The following ASAP2 variants were observed in gnomAD, a reference collection of about 807,000 sequenced individuals.
ASAP2 encodes the protein arf-GAP with SH3 domain, ANK repeat and PH domain-containing protein 2.
Under a neutral mutation model 131.4 loss-of-function variants are expected in ASAP2, and 45 were observed. That is an observed-to-expected ratio of 0.34 (90% confidence interval 0.27 to 0.44). ASAP2 has a LOEUF of 0.44. Ranked by LOEUF, ASAP2 falls within the 20% of genes least tolerant of loss-of-function variation. The pLI, the probability that ASAP2 is intolerant of heterozygous loss-of-function variation, is 1.00. For synonymous variants in ASAP2, 510 were observed against 503.0 expected (o/e 1.01, Z -0.19); for missense variants, 1,011 against 1,297.0 (o/e 0.78, Z 3.39).
chr2:9,241,452 A>C (rs1663961202), intron 1 of ASAP2, among the ~76,000 whole-genome samples: 1 of 152,204 alleles, frequency 6.6e-6, no homozygotes, highest in Non-Finnish European at 1.5e-5. Context: ...CATGAAAATC[A>C]AACTGGCTGG....
intron 1 of ASAP2, among the ~76,000 whole-genome samples, chr2:9,233,199 T>A (rs1168762579): frequency 1.3e-5 from 2 of 152,210 alleles, no homozygotes; most frequent in Non-Finnish European, 2.9e-5. Context: ...TAGTGATCGA[T>A]GTCTGTGTGA....
In ASAP2 at chr2:9,286,357, C is replaced by T. The variant is rs181797455; in HGVS notation, c.199+6968C>T. 6.0e-3 allele frequency among the ~76,000 whole-genome samples: 918 copies of T among 151,770 alleles called. 39 individuals are homozygous for T. The highest frequency in any genetic ancestry group is 1.1e-3 in the Non-Finnish European group (73 of 67,994). ...AGGCTGCAGTGAGCTGAAACTGCAC[C>T]ACTGCACTTCATCCTGGGTGACAGA... On this transcript the variant is annotated intron_variant, in intron 2 of 27. Transcript: ENST00000281419.
At position 9,374,788 on chromosome 2, in the gene ASAP2, C is replaced by T. The variant is rs33930824; in HGVS notation, c.1590C>T (p.Tyr530=). The T allele has an allele frequency of 0.23, 375,684 of 1,609,532 alleles. 47,479 individuals carry two copies. Among genetic ancestry groups the T allele is most frequent in the Middle Eastern group, 0.27 (1,639 of 5,994 alleles). ...NARKDYITAK[Y]IERRYARKKH... Reference sequence around the variant, plus strand: ...GAAAGGACTACATCACAGCCAAGTACATCGAGAGGAGATACGCAAGGAAGA... The same window carrying T: ...GAAAGGACTACATCACAGCCAAGTATATCGAGAGGAGATACGCAAGGAAGA... The change falls in exon 17 of 28, where the codon TAC becomes TAT. Residue 530 remains tyrosine, a synonymous_variant. Transcript: ENST00000281419.
chr2:9,210,701 C>A (rs1431862925), intron 1 of ASAP2, among the ~76,000 whole-genome samples: 1 of 151,814 alleles, frequency 6.6e-6, no homozygotes, highest in East Asian at 1.9e-4. Context: ...ACTACAGGTG[C>A]CCGCCACCAT....
chr2:9,253,895 A>G lies in ASAP2; in HGVS notation c.127-25422A>G, dbSNP rs137926225. 3.6e-3 allele frequency among the ~76,000 whole-genome samples: 541 copies of G among 152,128 alleles called. 1 individual carries two copies. The highest frequency in any genetic ancestry group is 6.9e-3 in the Admixed American group (106 of 15,256). On this transcript the variant is annotated intron_variant, in intron 1 of 27. Coordinates refer to ENST00000281419, the MANE Select transcript of ASAP2 (RefSeq NM_003887.3). Reference sequence around the variant, plus strand: ...CGAGATATTTTGAGAAAGAGACCACATTCACATAACTTTTATTACAGTATA... The same window carrying G: ...CGAGATATTTTGAGAAAGAGACCACGTTCACATAACTTTTATTACAGTATA...
chr2:9,245,843 C>G (rs1304285255), intron 1 of ASAP2, among the ~76,000 whole-genome samples: 1 of 152,184 alleles, frequency 6.6e-6, no homozygotes, highest in Non-Finnish European at 1.5e-5. Context: ...ACCAGATCCC[C>G]AGTGCCCAGA....
At chr2:9,356,748 T>C (rs1672732533) in intron 14 of ASAP2, among the ~76,000 whole-genome samples, 1 of 152,194 alleles carries the variant, frequency 6.6e-6, no homozygotes, top group Non-Finnish European at 1.5e-5. Flanking sequence ...TGAAGTAGCT[T>C]TAAGCCGCTG....
intron 15 of ASAP2, 144 bp downstream of exon 15, chr2:9,359,033 A>C: frequency 9.3e-7 from 1 of 1,077,486 alleles, no homozygotes; most frequent in South Asian, 1.8e-5. Flanking sequence ...CTCATTGATA[A>C]TTCTTCATTT....
At chr2:9,387,856 C>G (rs1675402133) in intron 21 of ASAP2, among the ~76,000 whole-genome samples, 1 of 152,152 alleles carries the variant, frequency 6.6e-6, no homozygotes. Context: ...AACATACAAT[C>G]ATGGCAGAAG....
At chr2:9,322,108 C>T (rs1179061951) in intron 5 of ASAP2, among the ~76,000 whole-genome samples, 1 of 152,204 alleles carries the variant, frequency 6.6e-6, no homozygotes, top group Non-Finnish European at 1.5e-5. Context: ...CCTCCAGTCA[C>T]ACTCCTTTCC....
At chr2:9,211,172 G>A (rs1047602915) in intron 1 of ASAP2, among the ~76,000 whole-genome samples, 2 of 146,768 alleles carry the variant, frequency 1.4e-5, no homozygotes, top group East Asian at 2.0e-4. Flanking sequence ...AAAAAAAAAA[G>A]TTTGTTGTCC....
intron 19 of ASAP2, among the ~76,000 whole-genome samples, chr2:9,379,863 G>A (rs188285760): frequency 2.0e-4 from 31 of 152,030 alleles, no homozygotes; most frequent in South Asian, 1.0e-3. Context: ...ATGGTGGCGC[G>A]CACCTGTAGG....
At chr2:9,337,820 C>T (rs1671316607) in intron 9 of ASAP2, among the ~76,000 whole-genome samples, 1 of 152,182 alleles carries the variant, frequency 6.6e-6, no homozygotes, top group Admixed American at 6.5e-5. Flanking sequence ...ATTTTCTGCT[C>T]TCTGTAAGGA....
rs1436632204 is a variant in ASAP2, at chr2:9,207,346, G to C, written c.126+116G>C. 9.6e-6 allele frequency: 13 copies of C among 1,355,416 alleles called. No homozygotes were observed. Among genetic ancestry groups the C allele is most frequent in the Non-Finnish European group, 1.3e-5 (13 of 1,037,402 alleles). The allele number at this position is 1,355,416 out of a possible 1,614,324, so 84.0% of individuals were successfully genotyped here. A position where few individuals can be genotyped will look rare whatever the true frequency, so the allele number is the denominator to read the frequency against. On this transcript the variant is annotated intron_variant, in intron 1 of 27. Coordinates refer to ENST00000281419, the MANE Select transcript of ASAP2 (RefSeq NM_003887.3). This position sits in a 1 kb window ranked among gnomAD's most constrained non-coding sequence, Gnocchi z 4.1. ...CTTTGCTCCGAAGCCGGACGCGGCCGGGCCAACCCTGCCCGAGACAGAAGC... is the reference window on the plus strand; with the variant it reads ...CTTTGCTCCGAAGCCGGACGCGGCCCGGCCAACCCTGCCCGAGACAGAAGC...
At chr2:9,380,181 A>T (rs560027436) in intron 19 of ASAP2, among the ~76,000 whole-genome samples, 1 of 151,936 alleles carries the variant, frequency 6.6e-6, no homozygotes, top group Non-Finnish European at 1.5e-5. Flanking sequence ...CTGCTTCAAC[A>T]GTTTTTGTTT....
At chr2:9,393,763 CA>C in intron 24 of ASAP2, 116 bp downstream of exon 24, 1 of 1,124,746 alleles carries the variant, frequency 8.9e-7, no homozygotes, top group Non-Finnish European at 1.2e-6. Flanking sequence ...GTGGGCGCCA[CA>C]TAACTAATTC....
intron 1 of ASAP2, among the ~76,000 whole-genome samples, chr2:9,276,328 G>A (rs1666759178): frequency 6.6e-6 from 1 of 152,158 alleles, no homozygotes; most frequent in Non-Finnish European, 1.5e-5. Context: ...AGCAGGGGGA[G>A]GGGGAGCCAC....
At chr2:9,278,151 A>C (rs1212806432) in intron 1 of ASAP2, among the ~76,000 whole-genome samples, 1 of 152,154 alleles carries the variant, frequency 6.6e-6, no homozygotes, top group Non-Finnish European at 1.5e-5. Flanking sequence ...TTTTCATAGG[A>C]TAGCCTGTGA....
intron 3 of ASAP2, among the ~76,000 whole-genome samples, chr2:9,300,903 A>G (rs1668433460): frequency 1.3e-5 from 2 of 152,218 alleles, no homozygotes; most frequent in Non-Finnish European, 2.9e-5. Context: ...GCAAAGATCA[A>G]AGAGAGAGAA....
Sources: gnomAD v4.1 joint callset for allele counts (sites outside exome capture counted in the v4.1 genomes callset) on GRCh38, gnomAD v4.1.1 for gene constraint, Gnocchi (gnomAD v3.1) non-coding constraint, MANE v1.5 for transcripts, NCBI Gene and HGNC (gene_info 2026-07-23, HGNC 2026-07-21) for gene names.